The following CNTNAP2 variants were observed in gnomAD, a reference collection of about 807,000 sequenced individuals.
CNTNAP2 encodes the protein contactin-associated protein-like 2.
In CNTNAP2, 98 loss-of-function variants were observed where a neutral mutation model predicts 155.2. That is an observed-to-expected ratio of 0.63 (90% CI 0.54 to 0.75). CNTNAP2 has a LOEUF of 0.75. CNTNAP2 is among the 30% of genes least tolerant of loss of function. The pLI is 0.00. For synonymous variants in CNTNAP2, 651 were observed against 631.2 expected (o/e 1.03, Z -0.47); for missense variants, 1,727 against 1,688.1 (o/e 1.02, Z -0.40).
chr7:146,544,313 T>C (rs1291958266), intron 1 of CNTNAP2, among the ~76,000 whole-genome samples: 1 of 151,950 alleles, frequency 6.6e-6, no homozygotes, highest in Admixed American at 6.6e-5. Context: ...GTCACCTTCT[T>C]ACCTATTTAG....
At chr7:147,743,679 C>G (rs1260545308) in intron 13 of CNTNAP2, among the ~76,000 whole-genome samples, 1 of 116,942 alleles carries the variant, frequency 8.6e-6, no homozygotes, top group Non-Finnish European at 1.8e-5. Flanking sequence ...CCTTCCTGAC[C>G]TCTCATATTT....
At chr7:147,600,994 T>C (rs1226799471) in intron 12 of CNTNAP2, among the ~76,000 whole-genome samples, 1 of 152,224 alleles carries the variant, frequency 6.6e-6, no homozygotes, top group African/African-American at 2.4e-5. Context: ...AATAATCCCC[T>C]GAACATTATT....
chr7:147,160,933 T>G (rs1159489435), intron 8 of CNTNAP2, among the ~76,000 whole-genome samples: 1 of 152,104 alleles, frequency 6.6e-6, no homozygotes, highest in African/African-American at 2.4e-5. Context: ...CTAAATAAAT[T>G]TGGATTATTT....
At chr7:148,344,361 C>T (rs1374580313) in intron 21 of CNTNAP2, among the ~76,000 whole-genome samples, 1 of 152,182 alleles carries the variant, frequency 6.6e-6, no homozygotes, top group Non-Finnish European at 1.5e-5. Context: ...GTCCGGGTCT[C>T]TGGGGTACAC....
chr7:146,491,113 A>C (rs112221335), intron 1 of CNTNAP2, among the ~76,000 whole-genome samples: 3,854 of 152,302 alleles, frequency 0.025, 57 homozygotes, highest in Middle Eastern at 0.048. Context: ...CAAAACAACA[A>C]GCAAACAAAA....
intron 13 of CNTNAP2, among the ~76,000 whole-genome samples, chr7:147,817,466 A>T (rs1280235557): frequency 6.6e-6 from 1 of 152,198 alleles, no homozygotes; most frequent in East Asian, 1.9e-4. Flanking sequence ...TGTTTTAAAA[A>T]TTTTTAGCAA....
chr7:146,200,959 C>T lies in CNTNAP2; in HGVS notation c.97+83986C>T, dbSNP rs570439786. ...AGTTTTTTGTTTGTTTGTTTGTAGC[C>T]TGGATAATTTGGGTTAAGATAATGT... On this transcript the variant is annotated intron_variant, in intron 1 of 23. Transcript: ENST00000361727. 3.9e-5 allele frequency among the ~76,000 whole-genome samples: 6 copies of T among 152,098 alleles called. No homozygotes were observed. The South Asian group carries it at 1.0e-3, about 26-fold the overall frequency.
chr7:147,874,648 C>A (rs117026972), intron 13 of CNTNAP2, among the ~76,000 whole-genome samples: 2,087 of 152,342 alleles, frequency 0.014, 26 homozygotes, highest in Non-Finnish European at 0.021. Context: ...GAGACATTTT[C>A]CCTGTTGTCT....
chr7:147,070,371 C>A (rs1223308859), intron 4 of CNTNAP2, among the ~76,000 whole-genome samples: 2 of 152,198 alleles, frequency 1.3e-5, no homozygotes, highest in Non-Finnish European at 2.9e-5. Flanking sequence ...GCTATCAATT[C>A]TTCTGTAGCC....
rs189225963 is a variant in CNTNAP2 at position 146,850,469 on chromosome 7, A to G, written c.402+10565A>G. Among the ~76,000 whole-genome samples, 1,164 of 152,308 alleles carry G rather than the reference A, an allele frequency of 7.6e-3. 14 individuals are homozygous for G. The highest frequency in any genetic ancestry group is 0.027 in the African/African-American group (1,121 of 41,568). ...ACAAATTAATAAATAATAACAGCCA[A>G]CCAACACTTATTGGGGGTTCCTTAA... On this transcript the variant is annotated intron_variant, in intron 3 of 23. Transcript: ENST00000361727.
At chr7:146,337,038 CATA>C (rs1801288768) in intron 1 of CNTNAP2, among the ~76,000 whole-genome samples, 1 of 152,108 alleles carries the variant, frequency 6.6e-6, no homozygotes, top group South Asian at 2.1e-4. Flanking sequence ...AAACTATATA[CATA>C]TATTGTATCA....
At chr7:148,155,798 T>C (rs558554286) in intron 17 of CNTNAP2, among the ~76,000 whole-genome samples, 1 of 152,272 alleles carries the variant, frequency 6.6e-6, no homozygotes, top group Non-Finnish European at 1.5e-5. Context: ...TAAAGTTTAG[T>C]CAAGCTGAAG....
intron 12 of CNTNAP2, among the ~76,000 whole-genome samples, chr7:147,623,992 G>A (rs1794918474): frequency 6.6e-6 from 1 of 152,080 alleles, no homozygotes; most frequent in Admixed American, 6.6e-5. Context: ...TGACAAAGGT[G>A]CCAAGAACAT....
intron 17 of CNTNAP2, among the ~76,000 whole-genome samples, chr7:148,163,388 G>A (rs556118426): frequency 2.6e-5 from 4 of 152,078 alleles, no homozygotes; most frequent in Admixed American, 2.0e-4. Flanking sequence ...ATAACCAATA[G>A]TTTACCATGC....
intron 1 of CNTNAP2, among the ~76,000 whole-genome samples, chr7:146,764,700 C>G (rs1563221392): frequency 6.6e-6 from 1 of 151,966 alleles, no homozygotes; most frequent in South Asian, 2.1e-4. Flanking sequence ...TACATGCAGA[C>G]CAGACAATTT....
At chr7:147,957,685 A>G (rs189908912) in intron 14 of CNTNAP2, among the ~76,000 whole-genome samples, 49 of 152,310 alleles carry the variant, frequency 3.2e-4, no homozygotes, top group African/African-American at 1.1e-3. Flanking sequence ...TCATCAGTTG[A>G]TATACTAAAA....
At chr7:147,855,542 T>C (rs1161814991) in intron 13 of CNTNAP2, among the ~76,000 whole-genome samples, 1 of 151,944 alleles carries the variant, frequency 6.6e-6, no homozygotes, top group African/African-American at 2.4e-5. Context: ...ATCCCAGCAC[T>C]TTGGGAGGCC....
chr7:146,572,899 C>T (rs1370678051), intron 1 of CNTNAP2, among the ~76,000 whole-genome samples: 2 of 151,796 alleles, frequency 1.3e-5, no homozygotes, highest in Non-Finnish European at 2.9e-5. Flanking sequence ...AGAAAAAGAA[C>T]TATGTATGGA....
chr7:148,190,049 C>T (rs1795179927), intron 18 of CNTNAP2: 1 of 152,228 alleles, frequency 6.6e-6, no homozygotes, highest in African/African-American at 2.4e-5. Flanking sequence ...TCCATCAAGA[C>T]GTGATATCTA....
Sources: allele counts gnomAD v4.1 joint callset (sites outside exome capture counted in the v4.1 genomes callset), GRCh38; gene constraint gnomAD v4.1.1; transcripts MANE v1.5; gene names NCBI Gene and HGNC (gene_info 2026-07-23, HGNC 2026-07-21).